The following SCAPER variants were observed in gnomAD, a reference collection of about 807,000 sequenced individuals.
SCAPER encodes S phase cyclin A-associated protein in the endoplasmic reticulum.
Under a neutral mutation model 182.2 loss-of-function variants are expected in SCAPER, and 98 were observed. The ratio of observed to expected loss-of-function variants is 0.54; its 90% CI spans 0.46 to 0.64. SCAPER has a LOEUF of 0.64. Ranked by LOEUF, SCAPER falls within the 30% of genes least tolerant of loss-of-function variation. The pLI, the probability that SCAPER is intolerant of heterozygous loss-of-function variation, is 0.00. For synonymous variants in SCAPER, 605 were observed against 564.6 expected (o/e 1.07, Z -1.01); for missense variants, 1,432 against 1,690.0 (o/e 0.85, Z 2.68).
chr15:76,621,648 C>A, intron 22 of SCAPER, 116 bp downstream of exon 22: 1 of 847,198 alleles, frequency 1.2e-6, no homozygotes, highest in South Asian at 1.7e-5. Context: ...TAAGAGAATG[C>A]TGTTCTAGAA....
intron 21 of SCAPER, among the ~76,000 whole-genome samples, chr15:76,645,832 A>AT (rs1273540599): frequency 6.6e-6 from 1 of 152,190 alleles, no homozygotes; most frequent in East Asian, 1.9e-4. Context: ...ATAACCAAAT[A>AT]TTTTTTAAAA....
intron 22 of SCAPER, among the ~76,000 whole-genome samples, chr15:76,615,311 G>A (rs1255066214): frequency 1.3e-5 from 2 of 151,902 alleles, no homozygotes; most frequent in African/African-American, 4.8e-5. Flanking sequence ...CCGAGTTGGT[G>A]GCACACTCCT....
rs571695755 is a variant in SCAPER, at chr15:76,467,004, T to C, written c.3078+4208A>G. 5.9e-5 allele frequency among the ~76,000 whole-genome samples: 9 copies of C among 152,218 alleles called. No homozygotes were observed. The South Asian group carries it at 1.9e-3, about 32-fold the overall frequency. The stretch of plus-strand genomic sequence containing the variant: ...TGGAGGCAGATTTCCCCCTTGCTGT[T>C]CTTGTGATAGTGAGTTTTTACAAGA... On this transcript the variant is annotated intron_variant, in intron 25 of 31. Coordinates refer to ENST00000563290, the MANE Select transcript of SCAPER (RefSeq NM_020843.4).
chr15:76,577,778 C>G (rs2047957115), intron 22 of SCAPER, among the ~76,000 whole-genome samples: 1 of 151,956 alleles, frequency 6.6e-6, no homozygotes, highest in South Asian at 2.1e-4. Flanking sequence ...CCATTCCCAG[C>G]TGTGGTGGCT....
At chr15:76,792,087 G>A (rs527280871) in intron 8 of SCAPER, among the ~76,000 whole-genome samples, 3 of 149,462 alleles carry the variant, frequency 2.0e-5, no homozygotes, top group East Asian at 4.0e-4. Context: ...TTAATACACA[G>A]TGTTAAGACT....
chr15:76,370,031 A>G (rs1331377226), intron 29 of SCAPER, among the ~76,000 whole-genome samples: 2 of 152,146 alleles, frequency 1.3e-5, no homozygotes, highest in African/African-American at 2.4e-5. Flanking sequence ...GTTTTTAATG[A>G]TAAGTTGCCA....
At position 76,873,563 on chromosome 15, in the gene SCAPER, T is replaced by C. The variant is rs573636442; in HGVS notation, c.6+10249A>G. ...TCTAACACATCTAATAATGTACAAGTAAAATTGAAATAAGAGAAAAATACA... is the reference window on the plus strand; with the variant it reads ...TCTAACACATCTAATAATGTACAAGCAAAATTGAAATAAGAGAAAAATACA... On this transcript the variant is annotated intron_variant, in intron 2 of 31. Transcript: ENST00000563290. 1.4e-4 allele frequency among the ~76,000 whole-genome samples: 22 copies of C among 152,270 alleles called. No individual in the cohort carries two copies. The South Asian group carries it at 4.4e-3, about 30-fold the overall frequency.
intron 29 of SCAPER, among the ~76,000 whole-genome samples, chr15:76,369,348 T>C (rs2042000219): frequency 6.6e-6 from 1 of 152,238 alleles, no homozygotes; most frequent in Non-Finnish European, 1.5e-5. Context: ...GAATTGAGCA[T>C]CTAATTTCTC....
chr15:76,497,615 G>A (rs1452959482), intron 24 of SCAPER, among the ~76,000 whole-genome samples: 1 of 152,096 alleles, frequency 6.6e-6, no homozygotes, highest in Non-Finnish European at 1.5e-5. Flanking sequence ...AGATTTTGTT[G>A]CAAACTGAAG....
At position 76,595,059 on chromosome 15, in the gene SCAPER, T is replaced by G. The variant is rs1338678048; in HGVS notation, c.2712-20775A>C. 1.7e-5 allele frequency among the ~76,000 whole-genome samples: 2 copies of G among 120,356 alleles called. 1 individual carries two copies. Among genetic ancestry groups the G allele is most frequent in the Admixed American group, 1.9e-4 (2 of 10,488 alleles). The allele number at this position is 120,356 out of a possible 152,430, so 79.0% of individuals were successfully genotyped here. On this transcript the variant is annotated intron_variant, in intron 22 of 31. Coordinates refer to ENST00000563290, the MANE Select transcript of SCAPER (RefSeq NM_020843.4). ...AATTGGATAAAGAGTCAAGAACCAT[T>G]AGTGTGCTGTATTCAGGAGGCCCAT... is the stretch of plus-strand genomic sequence containing the variant.
intron 22 of SCAPER, among the ~76,000 whole-genome samples, chr15:76,614,222 A>T (rs1039019102): frequency 3.9e-5 from 6 of 152,160 alleles, no homozygotes; most frequent in African/African-American, 1.4e-4. Flanking sequence ...CATAGAGGGG[A>T]ACAACATACC....
chr15:76,881,454 T>C (rs2073533155), intron 2 of SCAPER, among the ~76,000 whole-genome samples: 1 of 152,122 alleles, frequency 6.6e-6, no homozygotes, highest in African/African-American at 2.4e-5. Flanking sequence ...ACATTCACAA[T>C]AGCTAAAAAG....
chr15:76,501,739 T>C (rs1179295896), intron 24 of SCAPER, among the ~76,000 whole-genome samples: 1 of 152,072 alleles, frequency 6.6e-6, no homozygotes, highest in Non-Finnish European at 1.5e-5. Context: ...GTTCATGGAG[T>C]TGAGGGGTGG....
chr15:76,449,197 G>A (rs1445018936), intron 25 of SCAPER, among the ~76,000 whole-genome samples: 2 of 152,130 alleles, frequency 1.3e-5, no homozygotes, highest in Non-Finnish European at 2.9e-5. Flanking sequence ...TAAACCATAT[G>A]TGAAATACAT....
chr15:76,495,185 T>C (rs1366427980), intron 24 of SCAPER, among the ~76,000 whole-genome samples: 1 of 152,152 alleles, frequency 6.6e-6, no homozygotes, highest in East Asian at 1.9e-4. Context: ...AGAGCAATTT[T>C]TTCTTAATAC....
At chr15:76,525,748 T>A (rs186409437) in intron 23 of SCAPER, among the ~76,000 whole-genome samples, 2 of 152,342 alleles carry the variant, frequency 1.3e-5, no homozygotes, top group Admixed American at 6.5e-5. Context: ...TTTTCTTTAT[T>A]CAATCCACCA....
At chr15:76,766,116 A>G (rs1438508907) in intron 11 of SCAPER, among the ~76,000 whole-genome samples, 1 of 113,024 alleles carries the variant, frequency 8.8e-6, no homozygotes, top group Non-Finnish European at 2.0e-5. Context: ...TTTATTTTTA[A>G]GATGGAGTCT....
intron 27 of SCAPER, 60 bp from the exon 28 acceptor site, chr15:76,381,675 A>G (rs1257217073): frequency 6.9e-6 from 9 of 1,311,484 alleles, no homozygotes; most frequent in Admixed American, 2.0e-5. Context: ...AGCAATTTGT[A>G]TAGGTTAAAT....
intron 1 of SCAPER, among the ~76,000 whole-genome samples, chr15:76,903,060 C>CAAAA (rs34255827): frequency 1.4e-5 from 2 of 137,944 alleles, no homozygotes; most frequent in South Asian, 4.5e-4. Context: ...GACTCGGTTT[C>CAAAA]AAAAAAAAAA....
Sources: allele counts gnomAD v4.1 joint callset (sites outside exome capture counted in the v4.1 genomes callset), GRCh38; gene constraint gnomAD v4.1.1; transcripts MANE v1.5; gene names NCBI Gene and HGNC (gene_info 2026-07-23, HGNC 2026-07-21).